ADPRM: variants seen among roughly 807,000 people sequenced by gnomAD.
The protein encoded by ADPRM is ADP-ribose/CDP-alcohol diphosphatase, manganese dependent, also known as manganese-dependent ADP-ribose/CDP-alcohol diphosphatase.
In ADPRM, 17 loss-of-function variants were observed where a neutral mutation model predicts 27.2. That is an observed-to-expected ratio of 0.63 (90% CI 0.43 to 0.94). ADPRM has a LOEUF of 0.94. Among genes scored for constraint, ADPRM ranks in the 40% least tolerant of loss-of-function variants. The pLI, the probability that ADPRM is intolerant of heterozygous loss-of-function variation, is 0.00. For missense variants in ADPRM, 337 were observed against 412.8 expected (o/e 0.82, Z 1.59); for synonymous variants, 135 against 145.3 (o/e 0.93, Z 0.51).
At position 10,705,360 on chromosome 17, in the gene ADPRM, A is replaced by G. The variant is rs1314592483; in HGVS notation, c.434A>G (p.Glu145Gly). 1 of 1,614,016 alleles carries G rather than the reference A, an allele frequency of 6.2e-7. No homozygotes were observed. The highest frequency in any genetic ancestry group is 8.5e-7 in the Non-Finnish European group (1 of 1,180,012). Reference sequence around the variant, plus strand: ...CATCATCCTGAGACCATGCCTTCAGAAGATTATTATGCTTATCATTTTGTA... The same window carrying G: ...CATCATCCTGAGACCATGCCTTCAGGAGATTATTATGCTTATCATTTTGTA... Reference protein sequence around the residue: ...IVHHPETMPSEDYYAYHFVPF... With the variant: ...IVHHPETMPSGDYYAYHFVPF... The change falls in exon 2 of 4, where the codon GAA (glutamate) becomes GGA (glycine). Residue 145 changes from glutamate to glycine, a missense_variant. Transcript: ENST00000379774. The surrounding 1 kb of genome is among the most constrained non-coding windows in gnomAD (Gnocchi z 5.4).
chr17:10,703,544 T>C (rs567463278), intron 1 of ADPRM, among the ~76,000 whole-genome samples: 7 of 120,144 alleles, frequency 5.8e-5, no homozygotes, highest in Admixed American at 1.7e-4. Context: ...AAGAGGCCCC[T>C]AATTCTCAAA....
Position 10,711,175 on chromosome 17 carries a change from G to A in ADPRM, c.*31G>A. The stretch of plus-strand genomic sequence containing the variant: ...TTTATTTTAACTTGATAGAAAATGA[G>A]CTTTGTGTTTGTCCCTCCTAAACAA... On this transcript the variant is annotated 3_prime_UTR_variant, in exon 4 of 4. Transcript: ENST00000379774. The A allele has an allele frequency of 6.5e-7, 1 of 1,546,596 alleles. No individual in the cohort carries two copies. The highest frequency in any genetic ancestry group is 8.8e-7 in the Non-Finnish European group (1 of 1,139,604).
chr17:10,707,023 T>A (rs1037018409), intron 3 of ADPRM, among the ~76,000 whole-genome samples: 1 of 152,182 alleles, frequency 6.6e-6, no homozygotes, highest in Non-Finnish European at 1.5e-5. Context: ...TCCAGAAGTT[T>A]GGCTTTTTCT....
rs1236847282 is a variant in ADPRM, at chr17:10,702,606, T to C, written c.-17-2304T>C. On this transcript the variant is annotated intron_variant, in intron 1 of 3. Coordinates refer to ENST00000379774, the MANE Select transcript of ADPRM (RefSeq NM_020233.5). The surrounding 1 kb of genome is among the most constrained non-coding windows in gnomAD (Gnocchi z 4.2). ...CTCCAAAAATTGAAGCCTTAGTTTA[T>C]CAGCGTTTGTAGTAGTGGCAGTGCC... Among the ~76,000 whole-genome samples the C allele has an allele frequency of 6.6e-6, 1 of 152,218 alleles. No individual in the cohort carries two copies. Among genetic ancestry groups the C allele is most frequent in the East Asian group, 1.9e-4 (1 of 5,196 alleles).
intron 1 of ADPRM, chr17:10,699,377 C>T (rs1193327841): frequency 6.6e-6 from 1 of 152,140 alleles, no homozygotes; most frequent in Non-Finnish European, 1.5e-5. Context: ...ATGGCAAGGA[C>T]CCATGAAACT....
rs1214447801 is a variant in ADPRM, at chr17:10,711,124, G to A, written c.1009G>A (p.Glu337Lys). The A allele has an allele frequency of 6.2e-7, 1 of 1,608,156 alleles. No individual in the cohort carries two copies. The highest frequency in any genetic ancestry group is 1.7e-5 in the Admixed American group (1 of 59,672). ...AGATAGAATTATGAATTACAAGAAA[G>A]AAAGAGCCTTCCATTGTTAGTCTAA... The part of the protein sequence containing the change: ...VPDRIMNYKK[E>K]RAFHC The change falls in exon 4 of 4, where the codon GAA becomes AAA. Residue 337 changes from glutamate to lysine, a missense_variant. Physicochemically the swap from Glu to Lys is moderately conservative, Grantham distance 56. Transcript: ENST00000379774.
At chr17:10,709,997 A>T (rs1323149426) in intron 3 of ADPRM, among the ~76,000 whole-genome samples, 1 of 152,206 alleles carries the variant, frequency 6.6e-6, no homozygotes, top group Non-Finnish European at 1.5e-5. Flanking sequence ...GGCTACCTTG[A>T]TCTCATGAGT....
At position 10,705,374 on chromosome 17, in the gene ADPRM, T is replaced by A. The variant is rs766486800; in HGVS notation, c.448T>A (p.Tyr150Asn). 6.2e-7 allele frequency: 1 copy of A among 1,613,986 alleles called. No homozygotes were observed. The highest frequency in any genetic ancestry group is 8.5e-7 in the Non-Finnish European group (1 of 1,179,980). Reference sequence around the variant, plus strand: ...CATGCCTTCAGAAGATTATTATGCTTATCATTTTGTACCATTCCCTAAATT... The same window carrying A: ...CATGCCTTCAGAAGATTATTATGCTAATCATTTTGTACCATTCCCTAAATT... Reference protein sequence around the residue: ...ETMPSEDYYAYHFVPFPKFRF... With the variant: ...ETMPSEDYYANHFVPFPKFRF... Residue 150 changes from tyrosine to asparagine, a missense_variant, in exon 2 of 4, where the codon TAT becomes AAT. Coordinates refer to ENST00000379774, the MANE Select transcript of ADPRM (RefSeq NM_020233.5). This position sits in a 1 kb window ranked among gnomAD's most constrained non-coding sequence, Gnocchi z 5.4.
chr17:10,706,107 T>C (rs551441911), intron 2 of ADPRM, among the ~76,000 whole-genome samples: 19 of 152,238 alleles, frequency 1.2e-4, no homozygotes, highest in Admixed American at 2.0e-4. Flanking sequence ...TTGAGCATTG[T>C]TGAAGAGCAC....
At chr17:10,697,897 C>A in intron 1 of ADPRM, 1 of 282,582 alleles carries the variant, frequency 3.5e-6, no homozygotes, top group South Asian at 3.9e-5. Flanking sequence ...AGAGAACACA[C>A]TGCCTAGAGA....
chr17:10,701,527 C>G (rs1210143474), intron 1 of ADPRM, among the ~76,000 whole-genome samples: 1 of 152,126 alleles, frequency 6.6e-6, no homozygotes, highest in South Asian at 2.1e-4. Context: ...GATGGGGTTT[C>G]ACCATGTTAG....
intron 3 of ADPRM, among the ~76,000 whole-genome samples, chr17:10,708,133 T>C (rs1034313145): frequency 6.6e-6 from 1 of 151,974 alleles, no homozygotes; most frequent in African/African-American, 2.4e-5. Flanking sequence ...AATGAAATTA[T>C]GAATATGAAA....
chr17:10,707,670 G>A (rs1255207178), intron 3 of ADPRM, among the ~76,000 whole-genome samples: 1 of 152,200 alleles, frequency 6.6e-6, no homozygotes, highest in African/African-American at 2.4e-5. Flanking sequence ...ACCAAACAGA[G>A]GCCACTGCTG....
chr17:10,705,923 G>T lies in ADPRM; in HGVS notation c.601+396G>T. On this transcript the variant is annotated intron_variant, in intron 2 of 3. Transcript: ENST00000379774. This position sits in a 1 kb window ranked among gnomAD's most constrained non-coding sequence, Gnocchi z 5.4. ...AGAGTATGATGTTATAGAGTGTTAC[G>T]GAAAAGGATTAGGGTTGCTATTTTA... 4.5e-6 allele frequency: 1 copy of T among 222,750 alleles called. No homozygotes were observed. The highest frequency in any genetic ancestry group is 7.4e-5 in the South Asian group (1 of 13,426). The allele number at this position is 222,750 out of a possible 1,614,324, so 13.8% of individuals were successfully genotyped here.
chr17:10,711,358 C>G lies in ADPRM; in HGVS notation c.*214C>G. Reference sequence around the variant, plus strand: ...AAACAAACCAGGGAGGAAACTGAGGCAGGGGTGTATAGTCCTCATAAGGGG... The same window carrying G: ...AAACAAACCAGGGAGGAAACTGAGGGAGGGGTGTATAGTCCTCATAAGGGG... On this transcript the variant is annotated 3_prime_UTR_variant, in exon 4 of 4. Coordinates refer to ENST00000379774, the MANE Select transcript of ADPRM (RefSeq NM_020233.5). 1.9e-6 allele frequency: 1 copy of G among 534,728 alleles called. No homozygotes were observed. Among genetic ancestry groups the G allele is most frequent in the Admixed American group, 3.2e-5 (1 of 31,434 alleles). 33.1% of individuals were successfully genotyped at this position (534,728 alleles called of 1,614,324 possible).
rs940279056 is a variant in ADPRM at position 10,697,647 on chromosome 17, C to G, written c.-38C>G. ...ACATAGCCCGTAGTCAGAGGCCTTT[C>G]AGCCCAGGGGCCGGCGCACGGTAGG... is the stretch of plus-strand genomic sequence containing the variant. On this transcript the variant is annotated 5_prime_UTR_variant, in exon 1 of 4. Transcript: ENST00000379774. 9.2e-7 allele frequency: 1 copy of G among 1,082,180 alleles called. No homozygotes were observed. The highest frequency in any genetic ancestry group is 1.6e-5 in the African/African-American group (1 of 64,422). The allele number at this position is 1,082,180 out of a possible 1,614,324, so 67.0% of individuals were successfully genotyped here.
At chr17:10,707,814 A>T (rs1292959769) in intron 3 of ADPRM, among the ~76,000 whole-genome samples, 4 of 152,198 alleles carry the variant, frequency 2.6e-5, no homozygotes, top group African/African-American at 9.7e-5. Flanking sequence ...ATCATTTTTG[A>T]TGGGTACACT....
At chr17:10,699,518 CTTTTT>C (rs781412834) in intron 1 of ADPRM, among the ~76,000 whole-genome samples, 319 of 113,308 alleles carry the variant, frequency 2.8e-3, no homozygotes, top group African/African-American at 9.9e-3. Flanking sequence ...TCTTTTCTTT[CTTTTT>C]TTTTTTTTTT....
At chr17:10,706,605 G>A in intron 3 of ADPRM, 51 bp downstream of exon 3, 1 of 1,329,180 alleles carries the variant, frequency 7.5e-7, no homozygotes. Context: ...ATTGGGAAAA[G>A]TTAGGCGTTA....
Sources: allele counts gnomAD v4.1 joint callset (sites outside exome capture counted in the v4.1 genomes callset), GRCh38; gene constraint gnomAD v4.1.1; non-coding constraint Gnocchi (gnomAD v3.1); transcripts MANE v1.5; gene names NCBI Gene and HGNC (gene_info 2026-07-23, HGNC 2026-07-21).